CTNNA1: variants seen among roughly 807,000 people sequenced by gnomAD.
CTNNA1 encodes catenin alpha 1.
In CTNNA1, 37 loss-of-function variants were observed where a neutral mutation model predicts 98.4. The observed-to-expected ratio is 0.38, with a 90% CI of 0.29 to 0.49. The LOEUF (loss-of-function observed/expected upper bound fraction) is 0.49, where lower values mean the gene tolerates loss of function less well. Ranked by LOEUF, CTNNA1 falls within the 20% of genes least tolerant of loss-of-function variation. The pLI, the probability that CTNNA1 is intolerant of heterozygous loss-of-function variation, is 0.95. For synonymous variants in CTNNA1, 404 were observed against 413.2 expected (o/e 0.98, Z 0.27); for missense variants, 761 against 1,147.2 (o/e 0.66, Z 4.86).
At chr5:138,825,482 G>GTTTTTTTTTTGTTTTTTT (rs1760588463) in intron 6 of CTNNA1, among the ~76,000 whole-genome samples, 1 of 74,114 alleles carries the variant, frequency 1.3e-5, no homozygotes, top group East Asian at 5.6e-4. Flanking sequence ...AGCAGTATAA[G>GTTTTTTTTTTGTTTTTTT]TTTTTTTTTT....
chr5:138,863,650 G>A (rs1581329615), intron 7 of CTNNA1, among the ~76,000 whole-genome samples: 2 of 152,228 alleles, frequency 1.3e-5, no homozygotes, highest in East Asian at 3.8e-4. Flanking sequence ...TTACAGCCCA[G>A]TTGGGTTCTT....
chr5:138,802,685 G>A (rs981988174), intron 3 of CTNNA1, among the ~76,000 whole-genome samples: 7 of 152,166 alleles, frequency 4.6e-5, no homozygotes, highest in Admixed American at 4.6e-4. Flanking sequence ...GATCAGTATT[G>A]TTATCTCTGT....
intron 10 of CTNNA1, among the ~76,000 whole-genome samples, chr5:138,906,288 T>C (rs751547248): frequency 6.6e-6 from 1 of 152,210 alleles, no homozygotes; most frequent in African/African-American, 2.4e-5. Flanking sequence ...GACAGCTGCA[T>C]AGATATTTGC....
rs1758724020 is a variant in CTNNA1, at chr5:138,904,428, C to T, written c.1376C>T (p.Ala459Val). The T allele has an allele frequency of 1.2e-6, 2 of 1,613,736 alleles. No individual in the cohort carries two copies. Among genetic ancestry groups the T allele is most frequent in the Non-Finnish European group, 8.5e-7 (1 of 1,179,830 alleles). Residue 459 changes from alanine (A) to valine (V), a missense_variant, in exon 10 of 18, where the codon GCC becomes GTC. By Grantham distance (64) the Ala-to-Val change is moderately conservative (BLOSUM62 0). This residue lies in a region of CTNNA1 where 287 missense variants were observed against 436.0 expected (regional missense o/e 0.66). Coordinates refer to ENST00000302763, the MANE Select transcript of CTNNA1 (RefSeq NM_001903.5). ...LVRMSASQLEALCPQVINAAL... is the reference protein window; with the variant it reads ...LVRMSASQLEVLCPQVINAAL... Reference sequence around the variant, plus strand: ...CGAATGTCTGCAAGCCAGTTAGAAGCCCTCTGTCCTCAGGTAAAGTACAAC... The same window carrying T: ...CGAATGTCTGCAAGCCAGTTAGAAGTCCTCTGTCCTCAGGTAAAGTACAAC...
intron 5 of CTNNA1, among the ~76,000 whole-genome samples, chr5:138,813,328 A>G (rs911887717): frequency 1.3e-5 from 2 of 152,194 alleles, no homozygotes; most frequent in African/African-American, 4.8e-5. Flanking sequence ...CTTTATAAGC[A>G]AACAATCTAG....
At chr5:138,756,013 G>A (rs767259378) in intron 1 of CTNNA1, among the ~76,000 whole-genome samples, 1 of 145,906 alleles carries the variant, frequency 6.9e-6, no homozygotes, top group Non-Finnish European at 1.5e-5. Context: ...CTAAGTGCAA[G>A]CTACCACGCC....
At chr5:138,800,582 G>A (rs545061274) in intron 3 of CTNNA1, among the ~76,000 whole-genome samples, 1 of 152,194 alleles carries the variant, frequency 6.6e-6, no homozygotes, top group Admixed American at 6.5e-5. Context: ...ATCACCTGAG[G>A]TCAGGAGTTC....
intron 7 of CTNNA1, among the ~76,000 whole-genome samples, chr5:138,848,055 A>C (rs1012127740): frequency 6.6e-6 from 1 of 152,252 alleles, no homozygotes; most frequent in Non-Finnish European, 1.5e-5. Flanking sequence ...ACCTAATTTG[A>C]AGCTTTGCTT....
At chr5:138,784,267 T>G (rs1755440802) in intron 3 of CTNNA1, among the ~76,000 whole-genome samples, 1 of 152,170 alleles carries the variant, frequency 6.6e-6, no homozygotes, top group Admixed American at 6.5e-5. Flanking sequence ...ATGATGTAGG[T>G]TTTTTAGGTT....
intron 5 of CTNNA1, among the ~76,000 whole-genome samples, chr5:138,815,333 G>A (rs1759323017): frequency 6.6e-6 from 1 of 151,708 alleles, no homozygotes; most frequent in African/African-American, 2.4e-5. Context: ...CTTCCATATT[G>A]TTTCCCACCC....
intron 12 of CTNNA1, 70 bp downstream of exon 12, chr5:138,924,780 C>A: frequency 1.5e-6 from 2 of 1,361,694 alleles, no homozygotes; most frequent in Non-Finnish European, 2.0e-6. Flanking sequence ...CCCCATTAGC[C>A]CAGCCCTGTG....
In CTNNA1 at chr5:138,753,429, T is replaced by A. The variant is rs914109438; in HGVS notation, c.-84T>A. 2.7e-6 allele frequency: 1 copy of A among 370,474 alleles called. No individual in the cohort carries two copies. Among genetic ancestry groups the A allele is most frequent in the Non-Finnish European group, 4.8e-6 (1 of 208,496 alleles). 22.9% of individuals were successfully genotyped at this position (370,474 alleles called of 1,614,324 possible). Reference sequence around the variant, plus strand: ...GGGCGTGGGGCGGCCCATTTCCTCCTCCTAGCCGGACTGGAGGGAGACAAA... The same window carrying A: ...GGGCGTGGGGCGGCCCATTTCCTCCACCTAGCCGGACTGGAGGGAGACAAA... On this transcript the variant is annotated 5_prime_UTR_variant, in exon 1 of 18. Coordinates refer to ENST00000302763, the MANE Select transcript of CTNNA1 (RefSeq NM_001903.5).
At chr5:138,786,620 T>C (rs1426022690) in intron 3 of CTNNA1, among the ~76,000 whole-genome samples, 2 of 152,170 alleles carry the variant, frequency 1.3e-5, no homozygotes, top group East Asian at 3.8e-4. Context: ...CCACTCCACT[T>C]TTTCTCATGG....
intron 7 of CTNNA1, among the ~76,000 whole-genome samples, chr5:138,830,028 A>G (rs1561571162): frequency 2.6e-5 from 4 of 152,146 alleles, no homozygotes; most frequent in Admixed American, 6.6e-5. Flanking sequence ...TTAGCCGGAC[A>G]TGGAGGCGGG....
intron 9 of CTNNA1, among the ~76,000 whole-genome samples, chr5:138,894,281 C>CTT (rs539073038): frequency 0.27 from 33,544 of 123,306 alleles, 4,283 homozygotes; most frequent in Non-Finnish European, 0.3. Flanking sequence ...TTTTCTTTCT[C>CTT]TTTTTTTTTT....
Position 138,925,474 on chromosome 5 carries a change from G to A in CTNNA1, c.1899+67G>A, listed in dbSNP as rs528013462. 4.6e-5 allele frequency: 72 copies of A among 1,572,986 alleles called. No homozygotes were observed. In the East Asian group the frequency reaches 5.0e-4, roughly 11 times the overall value. On this transcript the variant is annotated intron_variant, in intron 13 of 17. Transcript: ENST00000302763. ...ATCATTTGCTAAACTTGAGCAATGC[G>A]TCATTCTAGAACTCGGCAGATGCGG...
At chr5:138,854,028 G>C (rs941330163) in intron 7 of CTNNA1, among the ~76,000 whole-genome samples, 1 of 152,196 alleles carries the variant, frequency 6.6e-6, no homozygotes, top group African/African-American at 2.4e-5. Context: ...CTGGGTTAGT[G>C]AAGGTTTTTG....
intron 5 of CTNNA1, among the ~76,000 whole-genome samples, chr5:138,818,426 C>T (rs1409418786): frequency 6.6e-6 from 1 of 152,008 alleles, no homozygotes; most frequent in African/African-American, 2.4e-5. Context: ...CTTGCTTTCT[C>T]ATGTTTCTTA....
At chr5:138,809,183 G>A (rs1758414302) in intron 3 of CTNNA1, among the ~76,000 whole-genome samples, 1 of 152,020 alleles carries the variant, frequency 6.6e-6, no homozygotes, top group Admixed American at 6.6e-5. Flanking sequence ...GATTGTATAA[G>A]TTGGATATTC....
Sources: gnomAD v4.1 joint callset for allele counts (sites outside exome capture counted in the v4.1 genomes callset) on GRCh38, gnomAD v4.1.1 for gene constraint, gnomAD v4.1.1 regional missense constraint, MANE v1.5 for transcripts, NCBI Gene and HGNC (gene_info 2026-07-23, HGNC 2026-07-21) for gene names.